The following CAPN5 variants were observed in gnomAD, a reference collection of about 807,000 sequenced individuals.
The protein encoded by CAPN5 is calpain 5, also known as calpain-5.
CAPN5 carries 54 observed loss-of-function variants against 73.0 expected under a neutral mutation model. The observed-to-expected ratio is 0.74, with a 90% confidence interval of 0.59 to 0.93. The LOEUF is 0.93. Ranked by LOEUF, CAPN5 falls within the 40% of genes least tolerant of loss-of-function variation. CAPN5 has a pLI of 0.00. For synonymous variants in CAPN5, 335 were observed against 356.9 expected, an observed-to-expected ratio of 0.94 and a Z score of 0.69; for missense variants, 785 against 882.9, an observed-to-expected ratio of 0.89 and a Z score of 1.41.
chr11:77,075,790 C>T (rs1175259595), intron 1 of CAPN5, among the ~76,000 whole-genome samples: 3 of 151,964 alleles, frequency 2.0e-5, no homozygotes, highest in Non-Finnish European at 4.4e-5. Flanking sequence ...GAACCACCAC[C>T]CAGGTCAAGA....
chr11:77,088,393 A>G (rs1229894860), intron 2 of CAPN5, among the ~76,000 whole-genome samples: 1 of 152,068 alleles, frequency 6.6e-6, no homozygotes, highest in African/African-American at 2.4e-5. Context: ...GCGGGGGCAC[A>G]CCCAGCCGAA....
At chr11:77,074,528 C>T (rs192926240) in intron 1 of CAPN5, among the ~76,000 whole-genome samples, 13 of 152,324 alleles carry the variant, frequency 8.5e-5, no homozygotes, top group Admixed American at 3.3e-4. Context: ...GCCAGCTCAG[C>T]GCCAGCCCAA....
chr11:77,072,938 G>A (rs1438496197), intron 1 of CAPN5: 14 of 432,214 alleles, frequency 3.2e-5, no homozygotes, highest in African/African-American at 2.8e-4. Context: ...GGCTCACACA[G>A]CACAGTGAGG....
chr11:77,122,140 C>G, intron 11 of CAPN5, 91 bp downstream of exon 11: 2 of 736,012 alleles, frequency 2.7e-6, no homozygotes, highest in Admixed American at 6.0e-5. Flanking sequence ...CAGAGCTCTC[C>G]TGCTCTCAGA....
In CAPN5 at chr11:77,114,334, C is replaced by A. The variant is rs782369375; in HGVS notation, c.599C>A (p.Thr200Asn). 207 of 1,614,070 alleles carry A rather than the reference C, an allele frequency of 1.3e-4. No homozygotes were observed. Among genetic ancestry groups the A allele is most frequent in the Non-Finnish European group, 1.7e-4 (201 of 1,180,040 alleles). ...TGGVSEPIDLTEGDFANDETK... is the reference protein window; with the variant it reads ...TGGVSEPIDLNEGDFANDETK... ...GGTGTTTCTGAGCCCATCGACCTGA[C>A]CGAGGGTGACTTTGCCAACGATGAG... is the stretch of plus-strand genomic sequence containing the variant. The change falls in exon 5 of 13, where the codon ACC becomes AAC. Residue 200 changes from threonine to asparagine, a missense_variant. Physicochemically the swap from Thr to Asn is moderately conservative, Grantham distance 65. Transcript: ENST00000648180.
At chr11:77,101,989 A>G (rs1950289831) in intron 3 of CAPN5, among the ~76,000 whole-genome samples, 1 of 152,212 alleles carries the variant, frequency 6.6e-6, no homozygotes, top group African/African-American at 2.4e-5. Context: ...ACAGCCAGCC[A>G]TCAGTGTCAT....
intron 1 of CAPN5, among the ~76,000 whole-genome samples, chr11:77,071,034 A>C (rs961583051): frequency 1.3e-5 from 2 of 152,110 alleles, no homozygotes; most frequent in African/African-American, 4.8e-5. Context: ...TGTCATTCAC[A>C]GGTTCTAGGG....
At chr11:77,116,957 G>T (rs1370802993) in intron 7 of CAPN5, among the ~76,000 whole-genome samples, 1 of 152,198 alleles carries the variant, frequency 6.6e-6, no homozygotes, top group Non-Finnish European at 1.5e-5. Flanking sequence ...CCAGTAATTG[G>T]CTGGGTACAG....
intron 1 of CAPN5, among the ~76,000 whole-genome samples, chr11:77,081,213 T>A (rs987459659): frequency 1.1e-4 from 16 of 152,308 alleles, no homozygotes; most frequent in African/African-American, 3.8e-4. Flanking sequence ...AGCACTGTGC[T>A]CATTTTAGGG....
At chr11:77,099,931 G>C (rs1432955115) in intron 3 of CAPN5, among the ~76,000 whole-genome samples, 1 of 152,134 alleles carries the variant, frequency 6.6e-6, no homozygotes, top group Non-Finnish European at 1.5e-5. Context: ...CCACCTCCCG[G>C]GTTCAAGTGA....
chr11:77,116,158 CCAGA>C (rs1950466116), intron 6 of CAPN5, 64 bp from the exon 7 acceptor site: 1 of 1,464,978 alleles, frequency 6.8e-7, no homozygotes, highest in African/African-American at 1.4e-5. Context: ...CTCGCCTTTG[CCAGA>C]CAGATTCTGG....
intron 2 of CAPN5, among the ~76,000 whole-genome samples, chr11:77,085,902 G>A (rs782742688): frequency 1.8e-4 from 27 of 152,202 alleles, no homozygotes; most frequent in East Asian, 9.6e-4. Context: ...CTCACAATGC[G>A]GGAGACCATG....
At chr11:77,120,641 G>C (rs1555042584) in intron 9 of CAPN5, 72 bp from the exon 10 acceptor site, 2 of 975,712 alleles carry the variant, frequency 2.0e-6, no homozygotes, top group Non-Finnish European at 1.6e-6. Context: ...ATGGTGGTGA[G>C]GGGGAGGCGG....
chr11:77,104,669 TAC>T (rs76688363), intron 3 of CAPN5, among the ~76,000 whole-genome samples: 12,245 of 152,304 alleles, frequency 0.08, 651 homozygotes, highest in East Asian at 0.28. Flanking sequence ...ATCAGCCAAG[TAC>T]AGCTAAGCCA....
intron 1 of CAPN5, among the ~76,000 whole-genome samples, chr11:77,076,084 G>A (rs550721458): frequency 6.6e-6 from 1 of 152,210 alleles, no homozygotes; most frequent in African/African-American, 2.4e-5. Context: ...ACTCTCGGCC[G>A]GGCGCAGTAG....
intron 4 of CAPN5, among the ~76,000 whole-genome samples, chr11:77,113,160 C>G (rs1256538096): frequency 5.3e-5 from 8 of 152,210 alleles, no homozygotes; most frequent in Non-Finnish European, 1.2e-4. Flanking sequence ...GAAGTGGTAA[C>G]TGAGCTGGGG....
intron 3 of CAPN5, among the ~76,000 whole-genome samples, chr11:77,096,100 C>G (rs1184785133): frequency 6.6e-6 from 1 of 152,180 alleles, no homozygotes; most frequent in African/African-American, 2.4e-5. Context: ...ACTTTCTGGG[C>G]CTGTTGCCCT....
At chr11:77,102,770 C>A in intron 3 of CAPN5, 1 of 1,451,572 alleles carries the variant, frequency 6.9e-7, no homozygotes, top group Non-Finnish European at 9.1e-7. Context: ...CTTTGGTGGC[C>A]TCTTCTCTCC....
rs1165085494 is a variant in CAPN5, at chr11:77,126,081, T to A, written c.*2211T>A. 1 of 152,234 alleles carries A rather than the reference T, an allele frequency of 6.6e-6. No individual in the cohort carries two copies. Among genetic ancestry groups the A allele is most frequent in the African/African-American group, 2.4e-5 (1 of 41,456 alleles). The allele number at this position is 152,234 out of a possible 1,614,324, so 9.4% of individuals were successfully genotyped here. On this transcript the variant is annotated 3_prime_UTR_variant, in exon 13 of 13. Coordinates refer to ENST00000648180, the MANE Select transcript of CAPN5 (RefSeq NM_004055.5). ...CACCACCCAGACCTAGGCTTCCCTC[T>A]TCTCAGGATCCACCACAGGGTTAGG... is the stretch of plus-strand genomic sequence containing the variant.
Sources: allele counts gnomAD v4.1 joint callset (sites outside exome capture counted in the v4.1 genomes callset), GRCh38; gene constraint gnomAD v4.1.1; transcripts MANE v1.5; gene names NCBI Gene and HGNC (gene_info 2026-07-23, HGNC 2026-07-21).